The following FAM107B variants were observed in gnomAD, a reference collection of about 807,000 sequenced individuals.
FAM107B encodes the protein protein FAM107B.
A neutral mutation model predicts 31.5 loss-of-function variants in FAM107B; 21 were observed. That is an observed-to-expected ratio of 0.67 (90% CI 0.47 to 0.96). The LOEUF (loss-of-function observed/expected upper bound fraction) is 0.96, where lower values mean the gene tolerates loss of function less well. Among genes scored for constraint, FAM107B ranks in the 40% least tolerant of loss-of-function variants. The pLI, the probability that FAM107B is intolerant of heterozygous loss-of-function variation, is 0.00. For synonymous variants in FAM107B, 157 were observed against 141.5 expected, an observed-to-expected ratio of 1.11 and a Z score of -0.78; for missense variants, 452 against 377.1, an observed-to-expected ratio of 1.20 and a Z score of -1.64.
intron 2 of FAM107B, among the ~76,000 whole-genome samples, chr10:14,593,317 A>C (rs1299500758): frequency 6.6e-6 from 1 of 152,144 alleles, no homozygotes; most frequent in Non-Finnish European, 1.5e-5. Flanking sequence ...CCATTTGAGA[A>C]AGTTTAGGAA....
At chr10:14,592,844 G>A (rs1472952777) in intron 2 of FAM107B, among the ~76,000 whole-genome samples, 1 of 152,180 alleles carries the variant, frequency 6.6e-6, no homozygotes, top group Non-Finnish European at 1.5e-5. Context: ...GATTAAAGCT[G>A]AACAGAGTCC....
intron 2 of FAM107B, among the ~76,000 whole-genome samples, chr10:14,551,425 G>C (rs1849252107): frequency 6.6e-6 from 1 of 152,156 alleles, no homozygotes; most frequent in African/African-American, 2.4e-5. Flanking sequence ...GATTACAGGT[G>C]TGCGCCACCT....
At chr10:14,722,700 T>C (rs1331782254) in intron 1 of FAM107B, among the ~76,000 whole-genome samples, 1 of 152,194 alleles carries the variant, frequency 6.6e-6, no homozygotes, top group Admixed American at 6.5e-5. Flanking sequence ...GTTCTCTATA[T>C]ATTCTAGATA....
At chr10:14,762,794 ACAC>A (rs1833081866) in intron 1 of FAM107B, among the ~76,000 whole-genome samples, 1 of 150,140 alleles carries the variant, frequency 6.7e-6, no homozygotes, top group African/African-American at 2.5e-5. Flanking sequence ...ACACACACAC[ACAC>A]ACACAAAAAG....
chr10:14,524,665 A>G (rs1766591078), intron 3 of FAM107B, among the ~76,000 whole-genome samples: 1 of 152,254 alleles, frequency 6.6e-6, no homozygotes, highest in Non-Finnish European at 1.5e-5. Flanking sequence ...AGTTTTACTC[A>G]GTTTCATGAC....
At chr10:14,583,265 G>A (rs959601147) in intron 2 of FAM107B, among the ~76,000 whole-genome samples, 2 of 152,138 alleles carry the variant, frequency 1.3e-5, no homozygotes, top group South Asian at 4.1e-4. Context: ...CCCAGGGAGA[G>A]AGAAGAGGAC....
intron 1 of FAM107B, among the ~76,000 whole-genome samples, chr10:14,766,494 A>T (rs1004790504): frequency 3.9e-5 from 6 of 152,114 alleles, no homozygotes; most frequent in African/African-American, 1.4e-4. Context: ...GTAGAACAAT[A>T]GGAGGTGAGT....
chr10:14,710,384 A>T (rs929374571), intron 1 of FAM107B, among the ~76,000 whole-genome samples: 5 of 151,428 alleles, frequency 3.3e-5, no homozygotes, highest in African/African-American at 1.2e-4. Flanking sequence ...ATACTCCAGC[A>T]TGGGATAAAA....
At chr10:14,742,481 C>T (rs567843575) in intron 1 of FAM107B, among the ~76,000 whole-genome samples, 10 of 152,292 alleles carry the variant, frequency 6.6e-5, no homozygotes, top group African/African-American at 2.4e-4. Flanking sequence ...TTGCAGTGGG[C>T]TTACTGAGAT....
At chr10:14,617,162 T>A (rs1202089346) in intron 2 of FAM107B, among the ~76,000 whole-genome samples, 3 of 151,182 alleles carry the variant, frequency 2.0e-5, no homozygotes, top group Non-Finnish European at 4.4e-5. Context: ...TGACTCGGGA[T>A]ATTTTCAGTT....
chr10:14,617,825 C>T (rs1179407950), intron 2 of FAM107B, among the ~76,000 whole-genome samples: 9 of 150,554 alleles, frequency 6.0e-5, no homozygotes, highest in Non-Finnish European at 8.8e-5. Context: ...ACCATGGTGG[C>T]GCATGCCTGT....
At chr10:14,577,214 C>T (rs1362316937) in intron 2 of FAM107B, among the ~76,000 whole-genome samples, 1 of 152,232 alleles carries the variant, frequency 6.6e-6, no homozygotes, top group Non-Finnish European at 1.5e-5. Flanking sequence ...AGGTGTTTCT[C>T]TGTCAAATCC....
chr10:14,573,942 C>A (rs916045426), intron 2 of FAM107B, among the ~76,000 whole-genome samples: 2 of 77,330 alleles, frequency 2.6e-5, no homozygotes, highest in African/African-American at 8.1e-5. Flanking sequence ...CCCTAGGGCC[C>A]AGGAGTTTAT....
intron 2 of FAM107B, among the ~76,000 whole-genome samples, chr10:14,590,082 A>C (rs1851966489): frequency 6.6e-6 from 1 of 152,196 alleles, no homozygotes; most frequent in Non-Finnish European, 1.5e-5. Flanking sequence ...AACTCTACAA[A>C]TCATTAGCTG....
intron 1 of FAM107B, among the ~76,000 whole-genome samples, chr10:14,744,836 G>A (rs149139429): frequency 4.6e-5 from 7 of 152,256 alleles, no homozygotes; most frequent in African/African-American, 1.7e-4. Flanking sequence ...CAGGAGAAAT[G>A]GTACAGCTCC....
chr10:14,769,233 C>T (rs1383244061), intron 1 of FAM107B, among the ~76,000 whole-genome samples: 1 of 152,224 alleles, frequency 6.6e-6, no homozygotes, highest in Non-Finnish European at 1.5e-5. Context: ...CCACCAGAGC[C>T]TGTGAATCTT....
intron 1 of FAM107B, among the ~76,000 whole-genome samples, chr10:14,696,319 T>A (rs150609804): frequency 6.6e-6 from 1 of 152,356 alleles, no homozygotes; most frequent in African/African-American, 2.4e-5. Context: ...AAAACCAGGC[T>A]TGCATGCTAG....
intron 2 of FAM107B, among the ~76,000 whole-genome samples, chr10:14,586,051 G>A (rs1851818287): frequency 6.6e-6 from 1 of 152,162 alleles, no homozygotes; most frequent in Non-Finnish European, 1.5e-5. Flanking sequence ...ATCAGCTCCT[G>A]CATAAACAGG....
At chr10:14,556,901 A>C (rs1849754747) in intron 2 of FAM107B, among the ~76,000 whole-genome samples, 1 of 152,160 alleles carries the variant, frequency 6.6e-6, no homozygotes, top group Admixed American at 6.5e-5. Flanking sequence ...CTCATGCCTC[A>C]TGCCAGTCTC....
Sources: allele counts gnomAD v4.1 joint callset (sites outside exome capture counted in the v4.1 genomes callset), GRCh38; gene constraint gnomAD v4.1.1; transcripts MANE v1.5; gene names NCBI Gene and HGNC (gene_info 2026-07-23, HGNC 2026-07-21).